The following CPED1 variants were observed in gnomAD, a reference collection of about 807,000 sequenced individuals.
The protein encoded by CPED1 is cadherin like and PC-esterase domain containing 1.
Under a neutral mutation model 128.2 loss-of-function variants are expected in CPED1, and 114 were observed. The ratio of observed to expected loss-of-function variants is 0.89; its 90% CI spans 0.76 to 1.04. CPED1 has a LOEUF of 1.04. Among genes scored for constraint, CPED1 ranks in the 50% least tolerant of loss-of-function variants. CPED1 has a pLI of 0.00. For missense variants in CPED1, 1,211 were observed against 1,207.1 expected, an observed-to-expected ratio of 1.00 and a Z score of -0.05; for synonymous variants, 462 against 426.7, an observed-to-expected ratio of 1.08 and a Z score of -1.02.
rs117470101 is a variant in CPED1, at chr7:120,997,250, G to T, written c.249+7380G>T. ...TGTTTCATTGTAACTATTTATAAAT[G>T]AAGGAACATTAGAATGTTAGAACTG... is the stretch of plus-strand genomic sequence containing the variant. On this transcript the variant is annotated intron_variant, in intron 2 of 22. Transcript: ENST00000310396. Among the ~76,000 whole-genome samples, 260 of 152,312 alleles carry T rather than the reference G, an allele frequency of 1.7e-3. 8 individuals carry two copies. The East Asian group carries it at 0.045, about 27-fold the overall frequency.
intron 16 of CPED1, among the ~76,000 whole-genome samples, chr7:121,144,100 T>C (rs879446385): frequency 3.6e-4 from 54 of 152,076 alleles, no homozygotes; most frequent in Admixed American, 1.6e-3. Flanking sequence ...GAAAGTAAAC[T>C]AGTACAGCCA....
chr7:121,287,278 GAC>G (rs150391829), intron 22 of CPED1, among the ~76,000 whole-genome samples: 10 of 151,186 alleles, frequency 6.6e-5, no homozygotes, highest in South Asian at 2.1e-4. Context: ...CACAGACACA[GAC>G]ACACACACAC....
At chr7:121,011,621 G>T (rs571297124) in intron 2 of CPED1, among the ~76,000 whole-genome samples, 1 of 152,212 alleles carries the variant, frequency 6.6e-6, no homozygotes, top group African/African-American at 2.4e-5. Context: ...GAACAAAATG[G>T]TCAAAAACAT....
intron 3 of CPED1, among the ~76,000 whole-genome samples, chr7:121,032,935 C>T (rs1792773729): frequency 2.0e-5 from 3 of 152,094 alleles, no homozygotes; most frequent in African/African-American, 7.2e-5. Context: ...AGGCGACAGC[C>T]CTGATTACTC....
At chr7:121,137,793 G>A (rs1394911127) in intron 14 of CPED1, among the ~76,000 whole-genome samples, 3 of 152,058 alleles carry the variant, frequency 2.0e-5, no homozygotes, top group Non-Finnish European at 4.4e-5. Flanking sequence ...AGTATGGTGG[G>A]AAAAGGACTA....
chr7:121,157,943 C>T (rs1280999508), intron 16 of CPED1, among the ~76,000 whole-genome samples: 1 of 152,042 alleles, frequency 6.6e-6, no homozygotes, highest in African/African-American at 2.4e-5. Context: ...CTCTTCTATA[C>T]CCTTACTGGT....
At chr7:121,225,764 C>T (rs1306819705) in intron 16 of CPED1, among the ~76,000 whole-genome samples, 2 of 152,050 alleles carry the variant, frequency 1.3e-5, no homozygotes. Flanking sequence ...TCTACTTCAT[C>T]GAATCGGGTA....
intron 14 of CPED1, among the ~76,000 whole-genome samples, chr7:121,139,301 C>T (rs1359578901): frequency 6.6e-6 from 1 of 151,738 alleles, no homozygotes; most frequent in Non-Finnish European, 1.5e-5. Flanking sequence ...TACAGTATAT[C>T]TATTGTATTA....
At chr7:120,990,558 C>A (rs1258034013) in intron 2 of CPED1, among the ~76,000 whole-genome samples, 3 of 151,968 alleles carry the variant, frequency 2.0e-5, no homozygotes, top group African/African-American at 7.3e-5. Flanking sequence ...CACAGGATTT[C>A]TATTTTAATA....
rs764029735 is a variant in CPED1, at chr7:120,989,800, G to C, written c.179G>C (p.Arg60Thr). The C allele has an allele frequency of 1.9e-6, 3 of 1,614,070 alleles. No homozygotes were observed. The Admixed American group carries it at 5.0e-5, about 27-fold the overall frequency. The change falls in exon 2 of 23, where the codon AGA (arginine) becomes ACA (threonine). Residue 60 changes from arginine (R) to threonine (T), a missense_variant. By Grantham distance (71) the Arg-to-Thr change is moderately conservative (BLOSUM62 -1). Coordinates refer to ENST00000310396, the MANE Select transcript of CPED1 (RefSeq NM_024913.5). ...PHTSTETQAS[R>T]CKKGFSQDKQ... ...ACATCCACTGAAACCCAGGCAAGCA[G>C]ATGCAAGAAAGGATTCTCTCAGGAC...
chr7:121,004,783 T>C (rs891678438), intron 2 of CPED1, among the ~76,000 whole-genome samples: 13 of 152,150 alleles, frequency 8.5e-5, no homozygotes, highest in African/African-American at 2.9e-4. Flanking sequence ...ACAGAGAATG[T>C]AATGTTTCAT....
chr7:121,288,638 C>A (rs1426110104), intron 22 of CPED1, among the ~76,000 whole-genome samples: 1 of 152,166 alleles, frequency 6.6e-6, no homozygotes, highest in Non-Finnish European at 1.5e-5. Flanking sequence ...AGCATCTACA[C>A]CAGCATTATC....
At chr7:121,081,539 C>G (rs1794295537) in intron 5 of CPED1, among the ~76,000 whole-genome samples, 1 of 152,148 alleles carries the variant, frequency 6.6e-6, no homozygotes, top group African/African-American at 2.4e-5. Context: ...ATGGAACTTT[C>G]TCTTTTCTTC....
intron 18 of CPED1, among the ~76,000 whole-genome samples, chr7:121,263,518 G>A (rs1792060220): frequency 1.3e-5 from 2 of 151,932 alleles, no homozygotes; most frequent in Admixed American, 1.3e-4. Context: ...TACACATAAT[G>A]AAATGAACCC....
intron 16 of CPED1, among the ~76,000 whole-genome samples, chr7:121,209,014 C>T (rs1253945042): frequency 6.6e-6 from 1 of 152,006 alleles, no homozygotes; most frequent in Non-Finnish European, 1.5e-5. Context: ...GCAGCTAATT[C>T]AAGATCTTAT....
At chr7:121,098,791 A>AATATATAT (rs1794766492) in intron 6 of CPED1, among the ~76,000 whole-genome samples, 1 of 103,480 alleles carries the variant, frequency 9.7e-6, no homozygotes, top group Non-Finnish European at 2.2e-5. Flanking sequence ...AAAATATATA[A>AATATATAT]AAATATATAT....
At position 121,266,364 on chromosome 7, in the gene CPED1, C is replaced by G. The variant is rs201782403; in HGVS notation, c.2448C>G (p.Ile816Met). Residue 816 changes from isoleucine (I) to methionine (M), a missense_variant, in exon 19 of 23, where the codon ATC becomes ATG. Physicochemically the swap from Ile to Met is conservative, Grantham distance 10 (BLOSUM62 1). Transcript: ENST00000310396. Reference protein sequence around the residue: ...YHNVNGGKTLISYSYYPQFWI... With the variant: ...YHNVNGGKTLMSYSYYPQFWI... ...ACGTCAATGGTGGGAAGACTTTGAT[C>G]AGTTATTCCTACTATCCCCAGTTCT... 55 of 1,613,160 alleles carry G rather than the reference C, an allele frequency of 3.4e-5. No homozygotes were observed. Among genetic ancestry groups the G allele is most frequent in the Non-Finnish European group, 7.6e-6 (9 of 1,179,400 alleles).
At chr7:121,159,950 G>C (rs1796377084) in intron 16 of CPED1, among the ~76,000 whole-genome samples, 1 of 152,068 alleles carries the variant, frequency 6.6e-6, no homozygotes, top group South Asian at 2.1e-4. Context: ...TGACATTCTT[G>C]AAAAATGTTA....
intron 16 of CPED1, among the ~76,000 whole-genome samples, chr7:121,149,914 C>A (rs1244435042): frequency 6.6e-6 from 1 of 152,062 alleles, no homozygotes; most frequent in Non-Finnish European, 1.5e-5. Context: ...TTAATTGCTC[C>A]AAAATTTTAT....
Sources: gnomAD v4.1 joint callset for allele counts (sites outside exome capture counted in the v4.1 genomes callset) on GRCh38, gnomAD v4.1.1 for gene constraint, MANE v1.5 for transcripts, NCBI Gene and HGNC (gene_info 2026-07-23, HGNC 2026-07-21) for gene names.